The following CSNK1G2 variants were observed in gnomAD, a reference collection of about 807,000 sequenced individuals.
CSNK1G2 encodes the protein casein kinase 1 gamma 2, also known as casein kinase I isoform gamma-2.
In CSNK1G2, 11 loss-of-function variants were observed where a neutral mutation model predicts 48.0. That is an observed-to-expected ratio of 0.23 (90% CI 0.14 to 0.38). The LOEUF (loss-of-function observed/expected upper bound fraction) is 0.38. CSNK1G2 is among the 10% of genes least tolerant of loss of function. The pLI is 1.00. For synonymous variants in CSNK1G2, 337 were observed against 254.1 expected (o/e 1.33, Z -3.10); for missense variants, 446 against 595.5 (o/e 0.75, Z 2.61).
chr19:1,948,685 C>T (rs2014658980), intron 1 of CSNK1G2, among the ~76,000 whole-genome samples: 1 of 152,194 alleles, frequency 6.6e-6, no homozygotes, highest in African/African-American at 2.4e-5. Flanking sequence ...CGTGTGCACG[C>T]AAGTGGTTTT....
chr19:1,967,540 G>A (rs879388199), intron 1 of CSNK1G2, among the ~76,000 whole-genome samples: 4 of 152,026 alleles, frequency 2.6e-5, no homozygotes, highest in Non-Finnish European at 5.9e-5. Context: ...GGTGGCTCCC[G>A]GTGCAGGGTT....
intron 2 of CSNK1G2, among the ~76,000 whole-genome samples, chr19:1,977,036 G>A (rs1352502241): frequency 6.6e-6 from 1 of 152,178 alleles, no homozygotes; most frequent in Non-Finnish European, 1.5e-5. Context: ...ACCGTGCCCG[G>A]CCACAGAGGC....
chr19:1,971,830 C>T (rs942299674), intron 2 of CSNK1G2, among the ~76,000 whole-genome samples: 5 of 138,830 alleles, frequency 3.6e-5, no homozygotes, highest in Non-Finnish European at 6.0e-5. Context: ...AGTGCAGTGG[C>T]GCAATCTCGG....
chr19:1,974,542 C>T (rs752968501), intron 2 of CSNK1G2: 1 of 152,300 alleles, frequency 6.6e-6, no homozygotes, highest in Non-Finnish European at 1.5e-5. Context: ...CTGCTTCTTC[C>T]TCCCTTGTCA....
chr19:1,954,907 G>A (rs1015560008), intron 1 of CSNK1G2, among the ~76,000 whole-genome samples: 7 of 152,120 alleles, frequency 4.6e-5, no homozygotes, highest in Non-Finnish European at 7.4e-5. Context: ...GAGGATCAGC[G>A]TCCCTTCGTC....
intron 1 of CSNK1G2, among the ~76,000 whole-genome samples, chr19:1,967,178 C>A (rs938535008): frequency 6.6e-6 from 1 of 152,168 alleles, no homozygotes; most frequent in Non-Finnish European, 1.5e-5. Flanking sequence ...GCCTGTGATC[C>A]CCACAGGGTG....
At chr19:1,975,347 G>T (rs1281242015) in intron 2 of CSNK1G2, 1 of 985,386 alleles carries the variant, frequency 1.0e-6, no homozygotes, top group African/African-American at 1.7e-5. Context: ...GCAGCTCAGT[G>T]CTTGGTGGTC....
intron 1 of CSNK1G2, among the ~76,000 whole-genome samples, chr19:1,963,501 C>T (rs558844133): frequency 4.0e-5 from 6 of 151,790 alleles, no homozygotes; most frequent in South Asian, 2.1e-4. Flanking sequence ...CATGAGCCAC[C>T]GCGCCCAGCC....
chr19:1,950,529 C>G lies in CSNK1G2; in HGVS notation c.-266+9111C>G, dbSNP rs961346544. Among the ~76,000 whole-genome samples the G allele has an allele frequency of 2.7e-5, 4 of 147,078 alleles. 1 individual carries two copies. Among genetic ancestry groups the G allele is most frequent in the African/African-American group, 1.0e-4 (4 of 38,554 alleles). ...AACATCTGAAGAAGATGTTCTTTCA[C>G]AAACCTCAGATTCCAGGAGATGAGC... On this transcript the variant is annotated intron_variant, in intron 1 of 11. Transcript: ENST00000255641.
chr19:1,967,784 G>A (rs1289794867), intron 1 of CSNK1G2, among the ~76,000 whole-genome samples: 1 of 64,264 alleles, frequency 1.6e-5, no homozygotes, highest in Non-Finnish European at 2.7e-5. Context: ...TCTGCAGGTG[G>A]GGCTCCTCCT....
At position 1,978,570 on chromosome 19, in the gene CSNK1G2, C is replaced by T. The variant is rs1242207328; in HGVS notation, c.299-32C>T. 1.3e-6 allele frequency: 2 copies of T among 1,573,274 alleles called. No individual in the cohort carries two copies. The highest frequency in any genetic ancestry group is 1.4e-5 in the African/African-American group (1 of 74,052). ...CGCAGGGGCAGGGAGGGGGCTGCCG[C>T]CGCACGCCCGTGCGTCTGTCCTCCG... On this transcript the variant is annotated intron_variant, in intron 4 of 11. Coordinates refer to ENST00000255641, the MANE Select transcript of CSNK1G2 (RefSeq NM_001319.7). This position sits in a 1 kb window ranked among gnomAD's most constrained non-coding sequence, Gnocchi z 7.3.
At chr19:1,949,720 C>A (rs2014695591) in intron 1 of CSNK1G2, among the ~76,000 whole-genome samples, 1 of 152,210 alleles carries the variant, frequency 6.6e-6, no homozygotes, top group South Asian at 2.1e-4. Context: ...CTGTTTGGGT[C>A]CCCTGCCGGG....
chr19:1,967,432 G>A (rs1481251250), intron 1 of CSNK1G2, among the ~76,000 whole-genome samples: 1 of 152,182 alleles, frequency 6.6e-6, no homozygotes, highest in South Asian at 2.1e-4. Context: ...TGAGGGTGGG[G>A]CTTCTGTCTG....
Position 1,957,300 on chromosome 19 carries a change from G to T in CSNK1G2, c.-265-12208G>T, listed in dbSNP as rs894043601. ...GGTGCCTTGCCCAGCCTGGAGGCCC[G>T]CAAGGATGAGAAGCAGTGTGTGCCC... On this transcript the variant is annotated intron_variant, in intron 1 of 11. Coordinates refer to ENST00000255641, the MANE Select transcript of CSNK1G2 (RefSeq NM_001319.7). This position sits in a 1 kb window ranked among gnomAD's most constrained non-coding sequence, Gnocchi z 5.4. 6.6e-6 allele frequency among the ~76,000 whole-genome samples: 1 copy of T among 152,224 alleles called. No homozygotes were observed. The highest frequency in any genetic ancestry group is 2.4e-5 in the African/African-American group (1 of 41,458).
intron 2 of CSNK1G2, among the ~76,000 whole-genome samples, chr19:1,971,476 C>T (rs948289718): frequency 2.8e-4 from 42 of 152,378 alleles, no homozygotes; most frequent in African/African-American, 1.2e-4. Context: ...TGTGTGTGCA[C>T]GCTCAGACAC....
At chr19:1,952,932 C>A in intron 1 of CSNK1G2, 1 of 444,702 alleles carries the variant, frequency 2.2e-6, no homozygotes, top group South Asian at 1.7e-5. Flanking sequence ...GGAGGGAAAC[C>A]GGGGCGGGAT....
intron 1 of CSNK1G2, among the ~76,000 whole-genome samples, chr19:1,966,567 C>T (rs369839137): frequency 6.6e-5 from 10 of 152,246 alleles, no homozygotes; most frequent in South Asian, 2.1e-4. Context: ...CCCGGAACCT[C>T]GGTTGATGAA....
chr19:1,961,728 C>T (rs983369086), intron 1 of CSNK1G2, among the ~76,000 whole-genome samples: 1 of 152,244 alleles, frequency 6.6e-6, no homozygotes, highest in Admixed American at 6.5e-5. Context: ...TCCCCCAAAA[C>T]GCCCAGGAAG....
At chr19:1,942,141 CCT>C (rs963371235) in intron 1 of CSNK1G2, among the ~76,000 whole-genome samples, 39 of 152,280 alleles carry the variant, frequency 2.6e-4, no homozygotes, top group African/African-American at 8.7e-4. Context: ...CTCGCTGCCC[CCT>C]CCCCCTTCCG....
Sources: allele counts gnomAD v4.1 joint callset (sites outside exome capture counted in the v4.1 genomes callset), GRCh38; gene constraint gnomAD v4.1.1; non-coding constraint Gnocchi (gnomAD v3.1); transcripts MANE v1.5; gene names NCBI Gene and HGNC (gene_info 2026-07-23, HGNC 2026-07-21).